ADD1: variants seen among roughly 807,000 people sequenced by gnomAD.
ADD1 encodes alpha-adducin.
In ADD1, 24 loss-of-function variants were observed where a neutral mutation model predicts 80.5. The ratio of observed to expected loss-of-function variants is 0.30; its 90% CI spans 0.22 to 0.42. The LOEUF is 0.42. ADD1 is among the 10% of genes least tolerant of loss of function. ADD1 has a pLI of 1.00. For missense variants in ADD1, 948 were observed against 1,019.0 expected (o/e 0.93, Z 0.95); for synonymous variants, 373 against 393.8 (o/e 0.95, Z 0.63).
intron 1 of ADD1, among the ~76,000 whole-genome samples, chr4:2,861,219 G>A: frequency 6.6e-6 from 1 of 152,092 alleles, no homozygotes. Flanking sequence ...GGAGCGTGGG[G>A]GCTGGGGGCC....
chr4:2,899,138 A>AT, intron 8 of ADD1, 121 bp from the exon 9 acceptor site: 1 of 1,040,790 alleles, frequency 9.6e-7, no homozygotes, highest in Middle Eastern at 2.1e-4. Flanking sequence ...TCCATTCTAC[A>AT]TTTTTTATTC....
In ADD1 at chr4:2,904,847, T is replaced by C. The variant is rs1333419016; in HGVS notation, c.1245T>C (p.Ser415=). The C allele has an allele frequency of 1.9e-6, 3 of 1,614,120 alleles. No individual in the cohort carries two copies. The highest frequency in any genetic ancestry group is 4.5e-5 in the East Asian group (2 of 44,904). ...ACAGCGATGTGGAGGTTCCTGCTAG[T>C]GTCACAGGTTACTCCTTTGCTAGTG... is the stretch of plus-strand genomic sequence containing the variant. The part of the protein sequence containing the change: ...KKYSDVEVPA[S]VTGYSFASDG... Residue 415 remains serine, a synonymous_variant, in exon 10 of 16, where the codon AGT becomes AGC. Coordinates refer to ENST00000683351, the MANE Select transcript of ADD1 (RefSeq NM_001354761.2).
At chr4:2,907,570 A>G in intron 10 of ADD1, 173 bp from the exon 11 acceptor site, 1 of 595,870 alleles carries the variant, frequency 1.7e-6, no homozygotes. Flanking sequence ...ATGTGGCTGC[A>G]TCCTGCTCCC....
Position 2,894,717 on chromosome 4 carries a change from C to G in ADD1, c.727C>G (p.Pro243Ala). The G allele has an allele frequency of 1.9e-6, 3 of 1,600,762 alleles. No individual in the cohort carries two copies. Among genetic ancestry groups the G allele is most frequent in the Non-Finnish European group, 2.6e-6 (3 of 1,176,182 alleles). Residue 243 changes from proline to alanine, a missense_variant, in exon 6 of 16, where the codon CCA becomes GCA. Transcript: ENST00000683351. ...GAAGTGCGTCGTGCACATTCACACC[C>G]CAGCAGGGGCTGCGGTGAGTGGCTG... ...DVKCVVHIHT[P>A]AGAAVSAMKC...
At chr4:2,871,298 AT>A (rs1386374390) in intron 1 of ADD1, among the ~76,000 whole-genome samples, 1 of 152,156 alleles carries the variant, frequency 6.6e-6, no homozygotes, top group African/African-American at 2.4e-5. Flanking sequence ...AACCAGGCAC[AT>A]GCCATCCAAT....
Position 2,879,557 on chromosome 4 carries a change from A to G in ADD1, c.196-2341A>G, listed in dbSNP as rs372770281. Reference sequence around the variant, plus strand: ...TGAAGGCAAGGAGCTTGTTTAATTTAGCTTTTGCTTTCCCTGTGACCAGCA... The same window carrying G: ...TGAAGGCAAGGAGCTTGTTTAATTTGGCTTTTGCTTTCCCTGTGACCAGCA... On this transcript the variant is annotated intron_variant, in intron 2 of 15. Transcript: ENST00000683351. 5.2e-4 allele frequency among the ~76,000 whole-genome samples: 79 copies of G among 152,250 alleles called. 2 individuals carry two copies. In the South Asian group the frequency reaches 0.015, roughly 28 times the overall value.
intron 14 of ADD1, among the ~76,000 whole-genome samples, chr4:2,918,583 T>G (rs896922793): frequency 6.6e-6 from 1 of 152,224 alleles, no homozygotes; most frequent in Non-Finnish European, 1.5e-5. Flanking sequence ...GGCATCCTTG[T>G]CTTGTGCCAG....
chr4:2,869,901 C>T (rs1263357), intron 1 of ADD1, among the ~76,000 whole-genome samples: 1 of 152,190 alleles, frequency 6.6e-6, no homozygotes, highest in African/African-American at 2.4e-5. Context: ...ATACCACTTT[C>T]ATTATCTCCT....
intron 1 of ADD1, among the ~76,000 whole-genome samples, chr4:2,866,058 A>C (rs899146253): frequency 6.6e-6 from 1 of 152,164 alleles, no homozygotes; most frequent in Non-Finnish European, 1.5e-5. Flanking sequence ...TTCTAGATTC[A>C]CTCCTGAAAT....
intron 6 of ADD1, among the ~76,000 whole-genome samples, chr4:2,895,921 T>A (rs1735121696): frequency 6.6e-6 from 1 of 151,526 alleles, no homozygotes; most frequent in Non-Finnish European, 1.5e-5. Flanking sequence ...GGAGTCTCGC[T>A]CTGTCATCCA....
chr4:2,910,940 C>A (rs1370716901), intron 13 of ADD1, among the ~76,000 whole-genome samples: 2 of 152,176 alleles, frequency 1.3e-5, no homozygotes, highest in East Asian at 3.8e-4. Context: ...CTGAAGTTTA[C>A]TTTTGCACCC....
At chr4:2,895,955 G>A (rs974073108) in intron 6 of ADD1, among the ~76,000 whole-genome samples, 3 of 150,488 alleles carry the variant, frequency 2.0e-5, no homozygotes, top group East Asian at 3.9e-4. Context: ...TGGCGCGATC[G>A]CGGCTCACTG....
At chr4:2,927,386 C>T (rs1711985766) in intron 15 of ADD1, among the ~76,000 whole-genome samples, 1 of 152,244 alleles carries the variant, frequency 6.6e-6, no homozygotes, top group Non-Finnish European at 1.5e-5. Context: ...TGTGCTGCTC[C>T]TAACCACTCA....
chr4:2,852,969 G>A (rs1371714060), intron 1 of ADD1, among the ~76,000 whole-genome samples: 7 of 152,156 alleles, frequency 4.6e-5, no homozygotes, highest in Non-Finnish European at 7.3e-5. Context: ...TGTAGCTGTG[G>A]AAATAGCTGT....
chr4:2,847,417 A>AT (rs1343222187), intron 1 of ADD1, among the ~76,000 whole-genome samples: 2 of 151,634 alleles, frequency 1.3e-5, no homozygotes, highest in East Asian at 3.9e-4. Context: ...TCAAAAAAAA[A>AT]AAGGAAGTAA....
intron 14 of ADD1, among the ~76,000 whole-genome samples, chr4:2,924,787 G>A (rs1740692869): frequency 6.6e-6 from 1 of 152,218 alleles, no homozygotes; most frequent in South Asian, 2.1e-4. Flanking sequence ...CTGAGCCATT[G>A]CTGTAATTAC....
intron 15 of ADD1, among the ~76,000 whole-genome samples, chr4:2,927,185 T>G (rs1711885303): frequency 6.6e-6 from 1 of 152,186 alleles, no homozygotes; most frequent in Admixed American, 6.5e-5. Flanking sequence ...GCAGCCTCCG[T>G]CCTAGCATCA....
At chr4:2,898,906 T>G (rs960753578) in intron 8 of ADD1, 4 of 381,528 alleles carry the variant, frequency 1.0e-5, no homozygotes, top group African/African-American at 8.2e-5. Context: ...GAGACTTGCC[T>G]GCAGCTTACA....
rs1356948446 is a variant in ADD1, at chr4:2,926,638, G to A, written c.2047+526G>A. On this transcript the variant is annotated intron_variant, in intron 15 of 15. Transcript: ENST00000683351. This position sits in a 1 kb window ranked among gnomAD's most constrained non-coding sequence, Gnocchi z 5.0. ...TTTTCTCCCTGTGGCTGCGTCACAA[G>A]CAGGAGACGGATGCGCTAGAGAGTA... 3.7e-6 allele frequency: 6 copies of A among 1,613,754 alleles called. No homozygotes were observed. Among genetic ancestry groups the A allele is most frequent in the Middle Eastern group, 1.6e-4 (1 of 6,062 alleles).
Sources: allele counts gnomAD v4.1 joint callset (sites outside exome capture counted in the v4.1 genomes callset), GRCh38; gene constraint gnomAD v4.1.1; non-coding constraint Gnocchi (gnomAD v3.1); transcripts MANE v1.5; gene names NCBI Gene and HGNC (gene_info 2026-07-23, HGNC 2026-07-21).